CCDC178: variants seen among roughly 807,000 people sequenced by gnomAD.
CCDC178 encodes the protein coiled-coil domain-containing protein 178.
CCDC178 carries 126 observed loss-of-function variants against 117.4 expected under a neutral mutation model. The ratio of observed to expected loss-of-function variants is 1.07; its 90% CI spans 0.93 to 1.24. The LOEUF (loss-of-function observed/expected upper bound fraction) is 1.24, where lower values mean the gene tolerates loss of function less well. Among genes scored for constraint, CCDC178 ranks in the 50% most tolerant of loss-of-function variants. The pLI, the probability that CCDC178 is intolerant of heterozygous loss-of-function variation, is 0.00. For missense variants in CCDC178, 1,030 were observed against 986.9 expected (o/e 1.04, Z -0.59); for synonymous variants, 283 against 313.4 (o/e 0.90, Z 1.02).
intron 4 of CCDC178, among the ~76,000 whole-genome samples, chr18:33,395,108 C>T (rs973169978): frequency 1.3e-5 from 2 of 150,296 alleles, no homozygotes; most frequent in Admixed American, 6.7e-5. Context: ...AAGTCATTGA[C>T]AATTCCTAGA....
intron 20 of CCDC178, among the ~76,000 whole-genome samples, chr18:33,198,481 C>G (rs2058958626): frequency 6.6e-6 from 1 of 152,084 alleles, no homozygotes; most frequent in South Asian, 2.1e-4. Context: ...ACAAGGTGAC[C>G]TTCTTGAAGG....
chr18:33,231,752 C>A (rs979598729), intron 15 of CCDC178, among the ~76,000 whole-genome samples: 1 of 152,128 alleles, frequency 6.6e-6, no homozygotes, highest in Non-Finnish European at 1.5e-5. Flanking sequence ...TCTCTGCCCA[C>A]AAACTCCATT....
At chr18:33,215,043 C>G (rs910408200) in intron 19 of CCDC178, among the ~76,000 whole-genome samples, 5 of 151,874 alleles carry the variant, frequency 3.3e-5, no homozygotes, top group Non-Finnish European at 5.9e-5. Context: ...AGCCTGAGAG[C>G]ATGATCATTC....
chr18:33,303,536 T>C (rs1192009173), intron 11 of CCDC178, among the ~76,000 whole-genome samples: 1 of 152,128 alleles, frequency 6.6e-6, no homozygotes, highest in African/African-American at 2.4e-5. Context: ...TTGTAACAAG[T>C]GTACCACTTG....
chr18:33,254,249 GAA>G (rs1422916163), intron 14 of CCDC178, among the ~76,000 whole-genome samples: 1 of 110,828 alleles, frequency 9.0e-6, no homozygotes, highest in South Asian at 3.0e-4. Flanking sequence ...CATCTATTGA[GAA>G]ACACACACAC....
chr18:33,401,329 A>C (rs970526128), intron 3 of CCDC178, among the ~76,000 whole-genome samples: 3 of 152,216 alleles, frequency 2.0e-5, no homozygotes, highest in Admixed American at 6.5e-5. Context: ...AAACAAAACA[A>C]AACAAAACAC....
chr18:32,982,064 T>G (rs2055164846), intron 21 of CCDC178, among the ~76,000 whole-genome samples: 1 of 152,132 alleles, frequency 6.6e-6, no homozygotes, highest in Non-Finnish European at 1.5e-5. Flanking sequence ...ACTAGTATGT[T>G]TTTTCCTTAA....
chr18:32,974,578 T>A lies in CCDC178; in HGVS notation c.2492A>T (p.Gln831Leu). Reference sequence around the variant, plus strand: ...AGCTAATATTTTCTGAATACTCTCCTGAGAGTCTGTCTGGAAGTTGGCCAG... The same window carrying A: ...AGCTAATATTTTCTGAATACTCTCCAGAGAGTCTGTCTGGAAGTTGGCCAG... ...MRLANFQTDS[Q>L]ESIQKILAVQ... Residue 831 changes from glutamine to leucine, a missense_variant, in exon 22 of 23, where the codon CAG (glutamine) becomes CTG (leucine). By Grantham distance (113) the Gln-to-Leu change is moderately radical (BLOSUM62 -2). Transcript: ENST00000383096. 1 of 1,613,418 alleles carries A rather than the reference T, an allele frequency of 6.2e-7. No homozygotes were observed. Among genetic ancestry groups the A allele is most frequent in the African/African-American group, 1.3e-5 (1 of 75,016 alleles).
At chr18:32,949,472 T>C (rs1223601788) in intron 22 of CCDC178, among the ~76,000 whole-genome samples, 1 of 152,288 alleles carries the variant, frequency 6.6e-6, no homozygotes, top group East Asian at 1.9e-4. Context: ...TCTATTGCTA[T>C]GTCTTCAAAT....
At chr18:33,236,670 A>G (rs532687302) in intron 15 of CCDC178, among the ~76,000 whole-genome samples, 1 of 152,208 alleles carries the variant, frequency 6.6e-6, no homozygotes, top group African/African-American at 2.4e-5. Flanking sequence ...CCGCACCCCA[A>G]AAAGAACCAA....
chr18:32,985,447 T>C (rs1217256617), intron 21 of CCDC178, among the ~76,000 whole-genome samples: 1 of 151,964 alleles, frequency 6.6e-6, no homozygotes, highest in Non-Finnish European at 1.5e-5. Context: ...GTTAGTGATC[T>C]AGAATTGTTC....
chr18:33,321,719 C>A, intron 11 of CCDC178, among the ~76,000 whole-genome samples: 1 of 151,060 alleles, frequency 6.6e-6, no homozygotes, highest in East Asian at 1.9e-4. Context: ...TAAGAAAATA[C>A]CAATAATCAA....
At chr18:33,166,900 T>C (rs2058538605) in intron 20 of CCDC178, among the ~76,000 whole-genome samples, 1 of 152,166 alleles carries the variant, frequency 6.6e-6, no homozygotes, top group Non-Finnish European at 1.5e-5. Context: ...TAGTACCTGA[T>C]AGGTAATTTT....
intron 20 of CCDC178, among the ~76,000 whole-genome samples, chr18:33,197,372 T>C (rs552783002): frequency 1.7e-4 from 26 of 152,096 alleles, no homozygotes; most frequent in Non-Finnish European, 1.3e-4. Flanking sequence ...CGCAAGGGCA[T>C]CTGGGCACTT....
At chr18:33,430,882 C>T (rs1029473423) in intron 2 of CCDC178, among the ~76,000 whole-genome samples, 1 of 150,904 alleles carries the variant, frequency 6.6e-6, no homozygotes, top group Non-Finnish European at 1.5e-5. Context: ...ACCAGCCTGG[C>T]CAACATGGTG....
intron 2 of CCDC178, among the ~76,000 whole-genome samples, chr18:33,433,410 C>T (rs546387049): frequency 1.2e-4 from 18 of 152,246 alleles, no homozygotes; most frequent in South Asian, 2.1e-4. Context: ...CCCTTAATTA[C>T]GACCTTGTCA....
intron 4 of CCDC178, among the ~76,000 whole-genome samples, chr18:33,393,317 T>C (rs1224175537): frequency 6.6e-6 from 1 of 152,224 alleles, no homozygotes; most frequent in Admixed American, 6.5e-5. Context: ...GTATGGTGTA[T>C]TTATAATACA....
intron 14 of CCDC178, among the ~76,000 whole-genome samples, chr18:33,253,192 G>A (rs1254256425): frequency 6.6e-6 from 1 of 151,784 alleles, no homozygotes; most frequent in Non-Finnish European, 1.5e-5. Flanking sequence ...GTCACAAAAA[G>A]GTCTAGTAAG....
intron 11 of CCDC178, among the ~76,000 whole-genome samples, chr18:33,322,824 T>C (rs1467477710): frequency 3.3e-5 from 5 of 151,410 alleles, no homozygotes; most frequent in Non-Finnish European, 5.9e-5. Flanking sequence ...TTTGTATAAA[T>C]TAATTTTGCT....
Sources: allele counts gnomAD v4.1 joint callset (sites outside exome capture counted in the v4.1 genomes callset), GRCh38; gene constraint gnomAD v4.1.1; transcripts MANE v1.5; gene names NCBI Gene and HGNC (gene_info 2026-07-23, HGNC 2026-07-21).